SMURF2: variants seen among roughly 807,000 people sequenced by gnomAD.
SMURF2 encodes SMAD specific E3 ubiquitin protein ligase 2.
Under a neutral mutation model 109.6 loss-of-function variants are expected in SMURF2, and 48 were observed. That is an observed-to-expected ratio of 0.44 (90% CI 0.35 to 0.56). The LOEUF (loss-of-function observed/expected upper bound fraction) is 0.56, where lower values mean the gene tolerates loss of function less well. Ranked by LOEUF, SMURF2 falls within the 20% of genes least tolerant of loss-of-function variation. The probability of loss-of-function intolerance (pLI) is 0.01; values close to 1 mark genes in which losing one functional copy is unlikely to be tolerated. For missense variants in SMURF2, 575 were observed against 909.0 expected (o/e 0.63, Z 4.72); for synonymous variants, 288 against 317.1 (o/e 0.91, Z 0.97).
intron 1 of SMURF2, among the ~76,000 whole-genome samples, chr17:64,658,084 G>A (rs550210052): frequency 7.5e-4 from 114 of 152,234 alleles, no homozygotes; most frequent in African/African-American, 2.4e-3. Context: ...GCCGGGTGCC[G>A]TGGCTCATGC....
intron 9 of SMURF2, 127 bp downstream of exon 9, chr17:64,578,365 T>A: frequency 1.6e-6 from 1 of 641,634 alleles, no homozygotes. Flanking sequence ...AAAACTGAAG[T>A]AACTATCAGA....
intron 4 of SMURF2, chr17:64,593,044 C>G (rs1374013771): frequency 4.6e-5 from 7 of 152,296 alleles, no homozygotes; most frequent in African/African-American, 1.4e-4. Context: ...CACAAATCCA[C>G]CAAAACCAGA....
intron 1 of SMURF2, among the ~76,000 whole-genome samples, chr17:64,628,915 T>C (rs1396543160): frequency 6.6e-6 from 1 of 152,140 alleles, no homozygotes; most frequent in Admixed American, 6.6e-5. Context: ...TCTCCTCCCC[T>C]GTTACTGAGC....
intron 1 of SMURF2, among the ~76,000 whole-genome samples, chr17:64,661,309 C>A (rs778658339): frequency 6.6e-6 from 1 of 152,024 alleles, no homozygotes. Context: ...CGGTGGCCGG[C>A]GGCGGGGAGT....
rs533982244 is a variant in SMURF2 at position 64,554,864 on chromosome 17, T to C, written c.1740A>G (p.Glu580=). Residue 580 remains glutamate, a synonymous_variant, in exon 15 of 19, where the codon GAA becomes GAG. Coordinates refer to ENST00000262435, the MANE Select transcript of SMURF2 (RefSeq NM_022739.4). ...AACACAGGAGTGTTTACCTGACATA[T>C]TCTTTTTTATTTTCTTCATTAACAG... ...SIPVNEENKK[E]YVRLYVNWRF... 4.3e-6 allele frequency: 7 copies of C among 1,613,558 alleles called. No homozygotes were observed. The highest frequency in any genetic ancestry group is 1.7e-5 in the Admixed American group (1 of 59,982).
chr17:64,625,860 T>C (rs527483288), intron 1 of SMURF2, among the ~76,000 whole-genome samples: 1 of 152,276 alleles, frequency 6.6e-6, no homozygotes, highest in South Asian at 2.1e-4. Flanking sequence ...AAAGCGCTCC[T>C]TTGAAAATTT....
chr17:64,543,186 C>A lies in SMURF2; in HGVS notation c.*2662G>T, dbSNP rs191426621. ...TGCTTAGCACCTATTTGGAAGTAAT[C>A]GGGTAATGTAACTTTGAAATGGAAA... On this transcript the variant is annotated 3_prime_UTR_variant, in exon 19 of 19. Coordinates refer to ENST00000262435, the MANE Select transcript of SMURF2 (RefSeq NM_022739.4). The A allele has an allele frequency of 1.3e-5, 2 of 151,658 alleles. No homozygotes were observed. 9.4% of individuals were successfully genotyped at this position (151,658 alleles called of 1,614,324 possible).
chr17:64,650,455 C>T (rs1225460066), intron 1 of SMURF2, among the ~76,000 whole-genome samples: 2 of 151,978 alleles, frequency 1.3e-5, no homozygotes, highest in African/African-American at 4.8e-5. Flanking sequence ...CTTAGATGCA[C>T]AAAGCTTATA....
chr17:64,559,550 G>A (rs145594411), intron 12 of SMURF2, among the ~76,000 whole-genome samples: 7,825 of 151,484 alleles, frequency 0.052, 276 homozygotes, highest in Admixed American at 0.13. Context: ...CCGAGATTGC[G>A]CCACTGCACT....
In SMURF2 at chr17:64,661,932, G is replaced by C; in HGVS notation, c.-52C>G. ...CGGCGGGCGGCACGGGGGCGACGGC[G>C]AGGCGCGGCGGAGTCACCACAGCGG... On this transcript the variant is annotated 5_prime_UTR_variant, in exon 1 of 19. Transcript: ENST00000262435. 8.7e-7 allele frequency: 1 copy of C among 1,154,184 alleles called. No homozygotes were observed. The highest frequency in any genetic ancestry group is 1.1e-6 in the Non-Finnish European group (1 of 938,438). 71.5% of individuals were successfully genotyped at this position (1,154,184 alleles called of 1,614,324 possible).
chr17:64,604,695 C>T (rs745778449), intron 2 of SMURF2, among the ~76,000 whole-genome samples: 1 of 152,088 alleles, frequency 6.6e-6, no homozygotes, highest in African/African-American at 2.4e-5. Context: ...TCTATAATCC[C>T]AGCACTGTGG....
At chr17:64,620,412 A>G (rs1555690529) in intron 1 of SMURF2, among the ~76,000 whole-genome samples, 1 of 152,148 alleles carries the variant, frequency 6.6e-6, no homozygotes, top group African/African-American at 2.4e-5. Context: ...ATTTTTCTAT[A>G]AATCCTTCAC....
intron 12 of SMURF2, among the ~76,000 whole-genome samples, chr17:64,559,324 G>A (rs892481123): frequency 1.1e-4 from 16 of 152,076 alleles, no homozygotes; most frequent in African/African-American, 3.6e-4. Flanking sequence ...GGCTGGGTTC[G>A]GTGGCTCATG....
intron 10 of SMURF2, 139 bp from the exon 11 acceptor site, chr17:64,563,105 G>C: frequency 1.4e-6 from 1 of 693,992 alleles, no homozygotes; most frequent in Non-Finnish European, 2.2e-6. Context: ...TACTTGGCTT[G>C]ACATTTTTTG....
chr17:64,565,999 A>G (rs1969295047), intron 10 of SMURF2, among the ~76,000 whole-genome samples: 1 of 152,158 alleles, frequency 6.6e-6, no homozygotes, highest in South Asian at 2.1e-4. Context: ...AAAATTTCCA[A>G]GAGAGAAAAA....
intron 1 of SMURF2, among the ~76,000 whole-genome samples, chr17:64,628,040 C>T (rs1246427935): frequency 1.3e-5 from 2 of 152,182 alleles, no homozygotes; most frequent in East Asian, 3.8e-4. Context: ...ACTGAGCCAT[C>T]CGATGAAGCC....
chr17:64,567,853 CTTTTTT>C (rs1173742917), intron 10 of SMURF2, among the ~76,000 whole-genome samples: 1 of 112,192 alleles, frequency 8.9e-6, no homozygotes, highest in Non-Finnish European at 1.8e-5. Context: ...CCACACCTGG[CTTTTTT>C]TTTTTTTTTT....
rs782784564 is a variant in SMURF2, at chr17:64,561,583, C to A, written c.1233G>T (p.Met411Ile). The A allele has an allele frequency of 6.2e-7, 1 of 1,612,852 alleles. No homozygotes were observed. Among genetic ancestry groups the A allele is most frequent in the Non-Finnish European group, 8.5e-7 (1 of 1,179,812 alleles). ...TCCAGAGATCTTTTGGTCTCATTTT[C>A]ATGACCTGTCGATATGATTCCTGAA... is the stretch of plus-strand genomic sequence containing the variant. ...EIFEESYRQV[M>I]KMRPKDLWKR... is the part of the protein sequence containing the mutation. The change falls in exon 12 of 19, where the codon ATG becomes ATT. Residue 411 changes from methionine (M) to isoleucine (I), a missense_variant. Physicochemically the swap from Met to Ile is conservative, Grantham distance 10. Around this residue, in one of 5 missense-constraint regions of SMURF2, gnomAD observed 361 missense variants for 612.1 expected, o/e 0.59. Coordinates refer to ENST00000262435, the MANE Select transcript of SMURF2 (RefSeq NM_022739.4).
intron 1 of SMURF2, among the ~76,000 whole-genome samples, chr17:64,617,848 C>T (rs1281326746): frequency 6.6e-6 from 1 of 151,988 alleles, no homozygotes; most frequent in African/African-American, 2.4e-5. Flanking sequence ...AATTTTTTTT[C>T]AACAAAGATG....
Sources: gnomAD v4.1 joint callset for allele counts (sites outside exome capture counted in the v4.1 genomes callset) on GRCh38, gnomAD v4.1.1 for gene constraint, gnomAD v4.1.1 regional missense constraint, MANE v1.5 for transcripts, NCBI Gene and HGNC (gene_info 2026-07-23, HGNC 2026-07-21) for gene names.